The following PCDHA8 variants were observed in gnomAD, a reference collection of about 807,000 sequenced individuals.
PCDHA8 encodes protocadherin alpha-8.
PCDHA8 carries 53 observed loss-of-function variants against 61.8 expected under a neutral mutation model. The ratio of observed to expected loss-of-function variants is 0.86; its 90% CI spans 0.69 to 1.08. PCDHA8 has a LOEUF of 1.08. Ranked by LOEUF, PCDHA8 falls within the 50% of genes least tolerant of loss-of-function variation. PCDHA8 has a pLI of 0.00. For missense variants in PCDHA8, 1,293 were observed against 1,245.0 expected (o/e 1.04, Z -0.58); for synonymous variants, 618 against 556.6 (o/e 1.11, Z -1.55).
rs1162004111 is a variant in PCDHA8, at chr5:140,853,967, G to A, written c.2394+10252G>A. ...GAGGGTCCCTTCCTTGAGCCCAGCAGTTTGAGACCAATGTAGTGAGACTCA... is the reference window on the plus strand; with the variant it reads ...GAGGGTCCCTTCCTTGAGCCCAGCAATTTGAGACCAATGTAGTGAGACTCA... On this transcript the variant is annotated intron_variant, in intron 1 of 3. Coordinates refer to ENST00000531613, the MANE Select transcript of PCDHA8 (RefSeq NM_018911.3). The A allele has an allele frequency of 7.7e-6, 5 of 646,708 alleles. No homozygotes were observed. The East Asian group carries it at 4.0e-4, about 51-fold the overall frequency. The allele number at this position is 646,708 out of a possible 1,614,324, so 40.1% of individuals were successfully genotyped here.
Position 140,856,446 on chromosome 5 carries a change from C to T in PCDHA8, c.2394+12731C>T. On this transcript the variant is annotated intron_variant, in intron 1 of 3. Coordinates refer to ENST00000531613, the MANE Select transcript of PCDHA8 (RefSeq NM_018911.3). ...ATTAACGACAACCCGCCCAGGTTCTCCGTAACAGAACAAAAGCTCTCAATA... is the reference window on the plus strand; with the variant it reads ...ATTAACGACAACCCGCCCAGGTTCTTCGTAACAGAACAAAAGCTCTCAATA... 1.9e-6 allele frequency: 3 copies of T among 1,598,398 alleles called. 1 individual carries two copies. Among genetic ancestry groups the T allele is most frequent in the Non-Finnish European group, 8.6e-7 (1 of 1,167,936 alleles).
chr5:140,843,871 A>G, intron 1 of PCDHA8, 156 bp downstream of exon 1: 1 of 816,250 alleles, frequency 1.2e-6, no homozygotes, highest in East Asian at 2.7e-5. Context: ...GAATTTTCTC[A>G]GTGGCATAAT....
intron 1 of PCDHA8, among the ~76,000 whole-genome samples, chr5:140,900,093 C>T (rs559553399): frequency 1.6e-4 from 24 of 152,202 alleles, no homozygotes; most frequent in Middle Eastern, 3.4e-3. Flanking sequence ...TACAAGCATG[C>T]GCCACCATAC....
intron 1 of PCDHA8, among the ~76,000 whole-genome samples, chr5:140,962,592 G>C (rs1318639328): frequency 1.3e-5 from 2 of 152,164 alleles, no homozygotes; most frequent in Non-Finnish European, 2.9e-5. Flanking sequence ...ATATTTGACT[G>C]ATATATTTCT....
intron 1 of PCDHA8, among the ~76,000 whole-genome samples, chr5:140,895,467 T>A (rs1201680855): frequency 6.6e-6 from 1 of 152,204 alleles, no homozygotes. Flanking sequence ...CATTTCTTTA[T>A]CCTCTTCGGA....
intron 1 of PCDHA8, chr5:140,869,088 G>A (rs1581866971): frequency 6.3e-7 from 1 of 1,587,910 alleles, no homozygotes; most frequent in Non-Finnish European, 8.6e-7. Context: ...TATTTTGGAA[G>A]CCAATTTCGT....
intron 1 of PCDHA8, chr5:140,860,221 A>G (rs545032981): frequency 3.3e-5 from 5 of 149,836 alleles, no homozygotes; most frequent in Non-Finnish European, 7.4e-5. Flanking sequence ...ACTTATGTAT[A>G]TATAAGCCAG....
chr5:140,867,681 A>T (rs759356211), intron 1 of PCDHA8: 1 of 152,096 alleles, frequency 6.6e-6, no homozygotes, highest in African/African-American at 2.4e-5. Context: ...ATTTTGTTGC[A>T]TCTTCTTTTT....
At chr5:140,875,884 C>A in intron 1 of PCDHA8, 1 of 1,614,168 alleles carries the variant, frequency 6.2e-7, no homozygotes, top group Non-Finnish European at 8.5e-7. Context: ...AGAAAGGGAA[C>A]AAAAGGTACC....
chr5:140,882,103 G>A, intron 1 of PCDHA8: 2 of 1,335,054 alleles, frequency 1.5e-6, no homozygotes, highest in Non-Finnish European at 2.0e-6. Context: ...ACGTTTCCGC[G>A]AAGAAAGCCG....
chr5:140,862,895 T>A, intron 1 of PCDHA8: 1 of 553,854 alleles, frequency 1.8e-6, no homozygotes, highest in South Asian at 1.4e-5. Context: ...ACGACAACTT[T>A]GTCTGCGCTG....
intron 1 of PCDHA8, among the ~76,000 whole-genome samples, chr5:140,912,283 A>G (rs1442282452): frequency 6.6e-6 from 1 of 152,104 alleles, no homozygotes; most frequent in Non-Finnish European, 1.5e-5. Flanking sequence ...ACCCAGGAAC[A>G]ATACTTTGCC....
Position 140,855,527 on chromosome 5 carries a change from G to C in PCDHA8, c.2394+11812G>C, listed in dbSNP as rs1017117704. ...TTAAATCTCAAAATAATGAGAAAGA[G>C]AAGTAAGTTAAGTGTCAGAACTTAA... On this transcript the variant is annotated intron_variant, in intron 1 of 3. Coordinates refer to ENST00000531613, the MANE Select transcript of PCDHA8 (RefSeq NM_018911.3). 1.3e-5 allele frequency among the ~76,000 whole-genome samples: 2 copies of C among 149,890 alleles called. 1 individual carries two copies. The highest frequency in any genetic ancestry group is 4.9e-5 in the African/African-American group (2 of 40,842).
chr5:140,850,517 G>A, intron 1 of PCDHA8: 1 of 1,598,300 alleles, frequency 6.3e-7, no homozygotes, highest in Non-Finnish European at 8.6e-7. Context: ...AGAGCGGCCA[G>A]GCGCCAAAGT....
At position 141,012,179 on chromosome 5, in the gene PCDHA8, T is replaced by C. The variant is rs2098423152; in HGVS notation, c.*2242T>C. ...GGGCTAATTTATTAATGATGATAAT[T>C]ATAATGTATCTGTACAGCACTTTTT... is the stretch of plus-strand genomic sequence containing the variant. On this transcript the variant is annotated 3_prime_UTR_variant, in exon 4 of 4. Coordinates refer to ENST00000531613, the MANE Select transcript of PCDHA8 (RefSeq NM_018911.3). 1 of 153,764 alleles carries C rather than the reference T, an allele frequency of 6.5e-6. No individual in the cohort carries two copies. Among genetic ancestry groups the C allele is most frequent in the South Asian group, 2.1e-4 (1 of 4,828 alleles). 9.5% of individuals were successfully genotyped at this position (153,764 alleles called of 1,614,324 possible). A position where few individuals can be genotyped will look rare whatever the true frequency, so the allele number is the denominator to read the frequency against.
intron 1 of PCDHA8, among the ~76,000 whole-genome samples, chr5:140,934,109 A>G (rs2089636629): frequency 6.6e-6 from 1 of 151,948 alleles, no homozygotes; most frequent in Non-Finnish European, 1.5e-5. Flanking sequence ...CTATTTTATT[A>G]ATTTTCATAC....
chr5:140,988,936 T>C (rs2097321406), intron 3 of PCDHA8: 1 of 152,158 alleles, frequency 6.6e-6, no homozygotes, highest in Non-Finnish European at 1.5e-5. Flanking sequence ...ACTGTTCTCT[T>C]AGGCTGCAGT....
chr5:140,842,941 G>C lies in PCDHA8; in HGVS notation c.1620G>C (p.Ala540=), dbSNP rs1388720747. 5 of 1,594,532 alleles carry C rather than the reference G, an allele frequency of 3.1e-6. No individual in the cohort carries two copies. Among genetic ancestry groups the C allele is most frequent in the Admixed American group, 1.7e-5 (1 of 59,294 alleles). ...AGTTCCAGGTGAGCGCGCGCGACGCGGGCGTGCCGCCTCTGGGCAGCAACG... is the reference window on the plus strand; with the variant it reads ...AGTTCCAGGTGAGCGCGCGCGACGCCGGCGTGCCGCCTCTGGGCAGCAACG... The part of the protein sequence containing the change: ...LLQFQVSARD[A]GVPPLGSNVT... Residue 540 remains alanine (A), a synonymous_variant, in exon 1 of 4, where the codon GCG becomes GCC. Coordinates refer to ENST00000531613, the MANE Select transcript of PCDHA8 (RefSeq NM_018911.3).
At chr5:140,862,744 C>T in intron 1 of PCDHA8, 1 of 577,744 alleles carries the variant, frequency 1.7e-6, no homozygotes, top group South Asian at 1.4e-5. Flanking sequence ...TGTGTGGGTG[C>T]ACGCGGAGAG....
Sources: gnomAD v4.1 joint callset for allele counts (sites outside exome capture counted in the v4.1 genomes callset) on GRCh38, gnomAD v4.1.1 for gene constraint, MANE v1.5 for transcripts, NCBI Gene and HGNC (gene_info 2026-07-23, HGNC 2026-07-21) for gene names.